CDH13: variants seen among roughly 807,000 people sequenced by gnomAD.
CDH13 encodes cadherin-13.
Under a neutral mutation model 63.8 loss-of-function variants are expected in CDH13, and 24 were observed. That is an observed-to-expected ratio of 0.38 (90% confidence interval 0.27 to 0.53). The LOEUF (loss-of-function observed/expected upper bound fraction) is 0.53. Among genes scored for constraint, CDH13 ranks in the 20% least tolerant of loss-of-function variants. The pLI, the probability that CDH13 is intolerant of heterozygous loss-of-function variation, is 0.85. For missense variants in CDH13, 1,049 were observed against 903.1 expected (o/e 1.16, Z -2.07); for synonymous variants, 503 against 355.3 (o/e 1.42, Z -4.67).
At chr16:83,478,528 T>G (rs1182691757) in intron 6 of CDH13, among the ~76,000 whole-genome samples, 5 of 152,076 alleles carry the variant, frequency 3.3e-5, no homozygotes, top group African/African-American at 7.2e-5. Flanking sequence ...GACCACCATA[T>G]GAAAATGTGG....
intron 2 of CDH13, among the ~76,000 whole-genome samples, chr16:82,978,565 C>G (rs1255949561): frequency 6.6e-6 from 1 of 152,254 alleles, no homozygotes; most frequent in Non-Finnish European, 1.5e-5. Context: ...AGGTACAGCT[C>G]AGGTTGTGGC....
chr16:83,620,663 C>T (rs1407865725), intron 8 of CDH13, among the ~76,000 whole-genome samples: 1 of 152,158 alleles, frequency 6.6e-6, no homozygotes, highest in Admixed American at 6.5e-5. Flanking sequence ...AATACTTGCA[C>T]CGTCCAGCAA....
intron 7 of CDH13, among the ~76,000 whole-genome samples, chr16:83,523,205 C>T (rs927910622): frequency 6.6e-6 from 1 of 152,288 alleles, no homozygotes; most frequent in Middle Eastern, 3.4e-3. Flanking sequence ...AGTGCAGGAT[C>T]CATGTCTATG....
At chr16:83,239,740 A>G (rs553054266) in intron 5 of CDH13, among the ~76,000 whole-genome samples, 1 of 152,332 alleles carries the variant, frequency 6.6e-6, no homozygotes, top group Admixed American at 6.5e-5. Context: ...TCACTATTCA[A>G]GGCACTCAGT....
chr16:82,852,591 G>T (rs1348178799), intron 1 of CDH13, among the ~76,000 whole-genome samples: 2 of 152,200 alleles, frequency 1.3e-5, no homozygotes, highest in African/African-American at 4.8e-5. Flanking sequence ...GCAGCACCAT[G>T]TCCTATTGTG....
chr16:83,196,907 C>T (rs564138195), intron 4 of CDH13, among the ~76,000 whole-genome samples: 1 of 152,186 alleles, frequency 6.6e-6, no homozygotes, highest in East Asian at 1.9e-4. Context: ...TAGACACGCA[C>T]TTACCATGGA....
chr16:82,973,988 T>G (rs527743347), intron 2 of CDH13, among the ~76,000 whole-genome samples: 7 of 152,142 alleles, frequency 4.6e-5, no homozygotes, highest in African/African-American at 1.7e-4. Context: ...AGTGGTGTGA[T>G]AGCTCACTGC....
chr16:82,797,807 GTATACA>G (rs1567545981), intron 1 of CDH13, among the ~76,000 whole-genome samples: 4 of 150,274 alleles, frequency 2.7e-5, no homozygotes, highest in East Asian at 2.0e-4. Context: ...GTGTGTGTGT[GTATACA>G]TGTGTATGTG....
chr16:83,042,959 C>T (rs543387687), intron 3 of CDH13, among the ~76,000 whole-genome samples: 1 of 152,190 alleles, frequency 6.6e-6, no homozygotes, highest in African/African-American at 2.4e-5. Flanking sequence ...TGTGAAGTAC[C>T]ATGCTCCATG....
intron 3 of CDH13, among the ~76,000 whole-genome samples, chr16:83,033,356 A>G (rs1049010734): frequency 3.9e-5 from 6 of 152,080 alleles, no homozygotes; most frequent in Non-Finnish European, 7.4e-5. Context: ...TGCATTTAAC[A>G]GGTCATAGGT....
chr16:83,101,304 T>A (rs1056940811), intron 3 of CDH13, among the ~76,000 whole-genome samples: 16 of 150,528 alleles, frequency 1.1e-4, no homozygotes, highest in Admixed American at 6.7e-4. Context: ...GTGTATTATA[T>A]ATAGTGTATT....
At chr16:83,769,468 T>A (rs1399123952) in intron 11 of CDH13, among the ~76,000 whole-genome samples, 2 of 152,100 alleles carry the variant, frequency 1.3e-5, no homozygotes, top group Non-Finnish European at 1.5e-5. Flanking sequence ...TGAAGCTAGC[T>A]TGGAAAGACA....
At chr16:82,765,315 G>C (rs779916087) in intron 1 of CDH13, among the ~76,000 whole-genome samples, 1 of 152,170 alleles carries the variant, frequency 6.6e-6, no homozygotes, top group Admixed American at 6.5e-5. Flanking sequence ...GGGATTGCTC[G>C]TAAAGATACT....
intron 6 of CDH13, among the ~76,000 whole-genome samples, chr16:83,350,072 G>A (rs2090919464): frequency 6.6e-6 from 1 of 152,192 alleles, no homozygotes; most frequent in East Asian, 1.9e-4. Context: ...GTTCAAAGCT[G>A]TCCCCAAGGA....
intron 10 of CDH13, among the ~76,000 whole-genome samples, chr16:83,732,096 G>C (rs973793135): frequency 6.6e-6 from 1 of 152,204 alleles, no homozygotes. Context: ...CTAGCCCTGA[G>C]GATAGCAGTG....
chr16:83,589,150 C>T (rs949194535), intron 7 of CDH13, among the ~76,000 whole-genome samples: 8 of 152,130 alleles, frequency 5.3e-5, no homozygotes, highest in African/African-American at 1.9e-4. Flanking sequence ...CTTCTAAAGG[C>T]CCCTGGAATT....
intron 10 of CDH13, among the ~76,000 whole-genome samples, chr16:83,682,997 C>T (rs932417164): frequency 1.3e-5 from 2 of 152,200 alleles, no homozygotes; most frequent in African/African-American, 2.4e-5. Context: ...CACGTCCTGC[C>T]TCGCATGAGG....
intron 10 of CDH13, among the ~76,000 whole-genome samples, chr16:83,711,758 C>T (rs1244628087): frequency 6.6e-6 from 1 of 152,196 alleles, no homozygotes; most frequent in Non-Finnish European, 1.5e-5. Flanking sequence ...CTTAAATGAT[C>T]CACCGCCTTG....
At chr16:82,845,750 C>T (rs977059858) in intron 1 of CDH13, among the ~76,000 whole-genome samples, 1 of 152,188 alleles carries the variant, frequency 6.6e-6, no homozygotes, top group Non-Finnish European at 1.5e-5. Flanking sequence ...TGGCATTCGA[C>T]ATCACTAATT....
Sources: allele counts gnomAD v4.1 joint callset (sites outside exome capture counted in the v4.1 genomes callset), GRCh38; gene constraint gnomAD v4.1.1; transcripts MANE v1.5; gene names NCBI Gene and HGNC (gene_info 2026-07-23, HGNC 2026-07-21).